Variants in PCDH15 observed in about 807,000 individuals in gnomAD.
The protein encoded by PCDH15 is protocadherin related 15, also known as protocadherin-15.
A neutral mutation model predicts 178.5 loss-of-function variants in PCDH15; 129 were observed. The observed-to-expected ratio is 0.72, with a 90% CI of 0.63 to 0.84. PCDH15 has a LOEUF of 0.84. PCDH15 is among the 40% of genes least tolerant of loss of function. PCDH15 has a pLI of 0.00. For synonymous variants in PCDH15, 800 were observed against 732.0 expected (o/e 1.09, Z -1.50); for missense variants, 2,230 against 2,099.9 (o/e 1.06, Z -1.21).
intron 25 of PCDH15, among the ~76,000 whole-genome samples, chr10:53,923,666 T>C (rs955170739): frequency 1.3e-5 from 2 of 152,244 alleles, no homozygotes; most frequent in Non-Finnish European, 2.9e-5. Context: ...GCACTAGCTA[T>C]AGTTATTGTT....
At chr10:54,511,882 TC>T (rs2137775812) in intron 3 of PCDH15, among the ~76,000 whole-genome samples, 1 of 152,246 alleles carries the variant, frequency 6.6e-6, no homozygotes, top group South Asian at 2.1e-4. Context: ...TATTTTTTTT[TC>T]TTTGGGGGAG....
intron 3 of PCDH15, among the ~76,000 whole-genome samples, chr10:54,865,542 T>G (rs1201472361): frequency 1.3e-5 from 2 of 152,104 alleles, no homozygotes; most frequent in East Asian, 3.8e-4. Context: ...ATAAACTCCC[T>G]CACTATCAGC....
At chr10:55,300,978 C>T (rs1390764341) in intron 1 of PCDH15, among the ~76,000 whole-genome samples, 1 of 152,138 alleles carries the variant, frequency 6.6e-6, no homozygotes, top group Admixed American at 6.6e-5. Context: ...TACATGGTAT[C>T]ATAAGTTCTT....
At chr10:53,807,977 T>C (rs2075718741) in intron 37 of PCDH15, 1 of 152,090 alleles carries the variant, frequency 6.6e-6, no homozygotes, top group Admixed American at 6.5e-5. Flanking sequence ...TATCAACACA[T>C]TGCATGCATT....
intron 2 of PCDH15, among the ~76,000 whole-genome samples, chr10:55,493,828 C>T (rs1840474747): frequency 6.6e-6 from 1 of 151,746 alleles, no homozygotes; most frequent in African/African-American, 2.4e-5. Flanking sequence ...AAATAAGAAG[C>T]AAAGAGTCAT....
intron 3 of PCDH15, among the ~76,000 whole-genome samples, chr10:54,393,876 G>A (rs1857129): frequency 0.094 from 14,303 of 152,062 alleles, 747 homozygotes; most frequent in African/African-American, 0.12. Context: ...TCCATTTCTA[G>A]GTTGACTAAT....
At chr10:55,138,311 C>G (rs1053087607) in intron 2 of PCDH15, among the ~76,000 whole-genome samples, 1 of 152,110 alleles carries the variant, frequency 6.6e-6, no homozygotes, top group Non-Finnish European at 1.5e-5. Context: ...TTACCCTCTA[C>G]TTGTAGACAT....
intron 13 of PCDH15, among the ~76,000 whole-genome samples, chr10:54,154,206 G>C (rs762098780): frequency 1.3e-5 from 2 of 151,842 alleles, no homozygotes; most frequent in Non-Finnish European, 2.9e-5. Context: ...GAATATAAAG[G>C]GATTCTAGCA....
chr10:55,465,356 C>T (rs550571823), intron 2 of PCDH15, among the ~76,000 whole-genome samples: 4 of 152,180 alleles, frequency 2.6e-5, no homozygotes, highest in African/African-American at 4.8e-5. Flanking sequence ...AGGACTATTG[C>T]GTAAATTGCA....
At chr10:54,676,591 A>C (rs1168042956) in intron 1 of PCDH15, among the ~76,000 whole-genome samples, 3 of 152,142 alleles carry the variant, frequency 2.0e-5, no homozygotes, top group Non-Finnish European at 4.4e-5. Context: ...ATTTTCTTCC[A>C]CTTTATTAAC....
intron 25 of PCDH15, among the ~76,000 whole-genome samples, chr10:53,928,480 C>A (rs2084767528): frequency 6.6e-6 from 1 of 152,000 alleles, no homozygotes; most frequent in South Asian, 2.1e-4. Context: ...ATGCCTACAA[C>A]CATAATCAAT....
chr10:55,374,917 A>G (rs74136621), intron 2 of PCDH15, among the ~76,000 whole-genome samples: 2,493 of 151,662 alleles, frequency 0.016, 61 homozygotes, highest in African/African-American at 0.057. Context: ...TAGAAAGGAA[A>G]CTCTATAAAA....
chr10:55,565,316 A>G (rs1400061432), intron 2 of PCDH15, among the ~76,000 whole-genome samples: 1 of 151,774 alleles, frequency 6.6e-6, no homozygotes, highest in East Asian at 1.9e-4. Flanking sequence ...ACTAAATCAC[A>G]ACATGCCAAA....
intron 8 of PCDH15, among the ~76,000 whole-genome samples, chr10:54,242,075 C>A (rs2055363922): frequency 7.5e-6 from 1 of 132,892 alleles, no homozygotes. Flanking sequence ...GTTAATTATG[C>A]CTCATGAAAC....
intron 35 of PCDH15, among the ~76,000 whole-genome samples, chr10:53,814,310 C>T (rs959782487): frequency 6.6e-6 from 1 of 152,050 alleles, no homozygotes; most frequent in Non-Finnish European, 1.5e-5. Flanking sequence ...ATAAAAATTT[C>T]AAGTAAATAT....
intron 18 of PCDH15, among the ~76,000 whole-genome samples, chr10:54,053,560 G>C (rs1300115222): frequency 6.6e-6 from 1 of 152,090 alleles, no homozygotes; most frequent in East Asian, 1.9e-4. Flanking sequence ...AAGATTTTCT[G>C]GAAAAGATTA....
intron 28 of PCDH15, among the ~76,000 whole-genome samples, chr10:53,847,333 C>T (rs2078040494): frequency 6.6e-6 from 1 of 152,000 alleles, no homozygotes; most frequent in Non-Finnish European, 1.5e-5. Flanking sequence ...ACCCCAAGTG[C>T]TTATCAATAT....
intron 2 of PCDH15, among the ~76,000 whole-genome samples, chr10:55,097,433 C>T (rs1012015326): frequency 3.3e-5 from 5 of 152,060 alleles, no homozygotes; most frequent in African/African-American, 9.7e-5. Flanking sequence ...AACATTGAAC[C>T]ATTAAACTGT....
intron 18 of PCDH15, among the ~76,000 whole-genome samples, chr10:54,029,695 C>T (rs74135759): frequency 0.033 from 4,973 of 152,124 alleles, 250 homozygotes; most frequent in African/African-American, 0.11. Context: ...TTTTGAGAAG[C>T]GATTTTATAG....
Sources: allele counts gnomAD v4.1 joint callset (sites outside exome capture counted in the v4.1 genomes callset), GRCh38; gene constraint gnomAD v4.1.1; transcripts MANE v1.5; gene names NCBI Gene and HGNC (gene_info 2026-07-23, HGNC 2026-07-21).